The following MAML2 variants were observed in gnomAD, a reference collection of about 807,000 sequenced individuals.
MAML2 encodes mastermind like transcriptional coactivator 2.
MAML2 carries 22 observed loss-of-function variants against 96.1 expected under a neutral mutation model. The ratio of observed to expected loss-of-function variants is 0.23; its 90% CI spans 0.16 to 0.33. The LOEUF is 0.33. MAML2 is among the 10% of genes least tolerant of loss of function. The pLI is 1.00. For missense variants in MAML2, 1,367 were observed against 1,392.4 expected (o/e 0.98, Z 0.29); for synonymous variants, 561 against 521.3 (o/e 1.08, Z -1.04).
intron 1 of MAML2, among the ~76,000 whole-genome samples, chr11:96,209,475 T>C (rs931380781): frequency 2.6e-5 from 4 of 152,036 alleles, no homozygotes; most frequent in African/African-American, 9.7e-5. Context: ...CTGTCTCTAC[T>C]GAGGCAGAAG....
At chr11:96,200,565 T>TA (rs1303432127) in intron 1 of MAML2, among the ~76,000 whole-genome samples, 1 of 152,236 alleles carries the variant, frequency 6.6e-6, no homozygotes, top group Non-Finnish European at 1.5e-5. Context: ...GAGAAAGATG[T>TA]ACTAAGTTAG....
intron 2 of MAML2, among the ~76,000 whole-genome samples, chr11:96,027,668 G>A (rs145799223): frequency 1.3e-5 from 2 of 152,264 alleles, no homozygotes; most frequent in East Asian, 1.9e-4. Flanking sequence ...GGCTGGGAGC[G>A]AGAGGCAGAG....
chr11:96,148,659 T>TACACAC (rs58470055), intron 1 of MAML2, among the ~76,000 whole-genome samples: 12,763 of 131,702 alleles, frequency 0.097, 746 homozygotes, highest in Non-Finnish European at 0.11. Context: ...TTCTGAAAAA[T>TACACAC]ACACACACAC....
At chr11:96,007,166 T>A (rs995246508) in intron 2 of MAML2, among the ~76,000 whole-genome samples, 3 of 136,644 alleles carry the variant, frequency 2.2e-5, no homozygotes, top group African/African-American at 8.3e-5. Flanking sequence ...CCATGTCCAG[T>A]TAATTTTTTT....
intron 1 of MAML2, among the ~76,000 whole-genome samples, chr11:96,227,708 A>G (rs1268415661): frequency 6.6e-6 from 1 of 152,244 alleles, no homozygotes; most frequent in African/African-American, 2.4e-5. Context: ...TTAAATGAGA[A>G]AAGGCATACA....
chr11:96,154,176 A>G (rs990313327), intron 1 of MAML2, among the ~76,000 whole-genome samples: 2 of 152,114 alleles, frequency 1.3e-5, no homozygotes, highest in Non-Finnish European at 2.9e-5. Flanking sequence ...CTTGTTAAAA[A>G]TAGATTCCTG....
chr11:96,115,754 T>G (rs2135838003), intron 1 of MAML2, among the ~76,000 whole-genome samples: 1 of 151,074 alleles, frequency 6.6e-6, no homozygotes, highest in Admixed American at 6.6e-5. Flanking sequence ...GAAGGGAGAG[T>G]TCTGTTTTAT....
intron 1 of MAML2, among the ~76,000 whole-genome samples, chr11:96,248,543 C>T (rs1432508255): frequency 6.6e-6 from 1 of 152,138 alleles, no homozygotes; most frequent in Non-Finnish European, 1.5e-5. Context: ...TACCCTCTCC[C>T]TATGCATTAG....
In MAML2 at chr11:96,092,715, A is replaced by G; in HGVS notation, c.1316T>C (p.Ile439Thr). The G allele has an allele frequency of 1.2e-6, 2 of 1,613,914 alleles. No individual in the cohort carries two copies. Among genetic ancestry groups the G allele is most frequent in the Middle Eastern group, 3.3e-4 (2 of 6,062 alleles). ...EVSHAQQLKQ[I>T]AANRQQHARM... ...GGCATGCTGCTGACGATTAGCAGCT[A>G]TCTGTTTGAGCTGCTGGGCATGGGA... Residue 439 changes from isoleucine (I) to threonine (T), a missense_variant, in exon 2 of 5, where the codon ATA (isoleucine) becomes ACA (threonine). By Grantham distance (89) the Ile-to-Thr change is moderately conservative. Transcript: ENST00000524717. This position sits in a 1 kb window ranked among gnomAD's most constrained non-coding sequence, Gnocchi z 4.1.
At chr11:96,114,752 A>T (rs1263638358) in intron 1 of MAML2, among the ~76,000 whole-genome samples, 1 of 152,218 alleles carries the variant, frequency 6.6e-6, no homozygotes, top group Admixed American at 6.5e-5. Context: ...AGGGCCCCAC[A>T]TAGGTGTCTT....
chr11:96,224,008 G>T lies in MAML2; in HGVS notation c.513+117375C>A, dbSNP rs745722038. ...TATTTTATGCATAAGGGAAAAGAGA[G>T]ATACATTATTTTATATTATCTTTGG... On this transcript the variant is annotated intron_variant, in intron 1 of 4. Transcript: ENST00000524717. 3.3e-5 allele frequency among the ~76,000 whole-genome samples: 5 copies of T among 152,282 alleles called. No individual in the cohort carries two copies. The South Asian group carries it at 8.3e-4, about 25-fold the overall frequency.
chr11:96,094,652 A>G (rs1223948764), intron 1 of MAML2, among the ~76,000 whole-genome samples: 1 of 152,212 alleles, frequency 6.6e-6, no homozygotes, highest in Non-Finnish European at 1.5e-5. Flanking sequence ...ACACTAATAC[A>G]TTAAAAAAGA....
intron 2 of MAML2, among the ~76,000 whole-genome samples, chr11:96,038,433 C>A (rs1184994919): frequency 6.6e-6 from 1 of 152,128 alleles, no homozygotes; most frequent in African/African-American, 2.4e-5. Context: ...AGGAAAAACG[C>A]AAAATAGATA....
rs187057546 is a variant in MAML2, at chr11:96,089,352, G to A, written c.2139+2540C>T. On this transcript the variant is annotated intron_variant, in intron 2 of 4. Transcript: ENST00000524717. Reference sequence around the variant, plus strand: ...TTCCCAAAATTAACATCTTGAGAAGGAGCTCACTTTCTTTAACTGCCTTCA... The same window carrying A: ...TTCCCAAAATTAACATCTTGAGAAGAAGCTCACTTTCTTTAACTGCCTTCA... 4.6e-5 allele frequency among the ~76,000 whole-genome samples: 7 copies of A among 152,234 alleles called. No homozygotes were observed. The East Asian group carries it at 1.3e-3, about 29-fold the overall frequency.
rs560591763 is a variant in MAML2, at chr11:96,231,715, A to G, written c.513+109668T>C. On this transcript the variant is annotated intron_variant, in intron 1 of 4. Transcript: ENST00000524717. Reference sequence around the variant, plus strand: ...GAGAGAGCTGCAGAGTAATCCTCCAAGTAAGCACTTTGCCAGGACAGTAAG... The same window carrying G: ...GAGAGAGCTGCAGAGTAATCCTCCAGGTAAGCACTTTGCCAGGACAGTAAG... Among the ~76,000 whole-genome samples, 150 of 152,346 alleles carry G rather than the reference A, an allele frequency of 9.8e-4. 1 individual carries two copies. The highest frequency in any genetic ancestry group is 3.3e-3 in the African/African-American group (136 of 41,582).
rs578146914 is a variant in MAML2, at chr11:96,140,391, T to C, written c.514-46874A>G. Among the ~76,000 whole-genome samples, 139 of 152,348 alleles carry C rather than the reference T, an allele frequency of 9.1e-4. 2 individuals are homozygous for C. Among genetic ancestry groups the C allele is most frequent in the African/African-American group, 3.1e-3 (130 of 41,584 alleles). ...GAAAAGACAGCATTAAAACCACTGT[T>C]ATTGCCTCTGGTGAGGTATGTAGTT... On this transcript the variant is annotated intron_variant, in intron 1 of 4. Coordinates refer to ENST00000524717, the MANE Select transcript of MAML2 (RefSeq NM_032427.4).
intron 2 of MAML2, among the ~76,000 whole-genome samples, chr11:96,042,271 C>A (rs988577864): frequency 1.3e-5 from 2 of 152,160 alleles, no homozygotes; most frequent in African/African-American, 4.8e-5. Flanking sequence ...AGCCACCATG[C>A]CCATCCATAC....
At chr11:96,274,864 T>A (rs913336810) in intron 1 of MAML2, among the ~76,000 whole-genome samples, 1 of 152,200 alleles carries the variant, frequency 6.6e-6, no homozygotes. Flanking sequence ...ACCCTAGAGA[T>A]CACTACTGTA....
rs553200387 is a variant in MAML2, at chr11:96,179,774, C to T, written c.514-86257G>A. 6.6e-5 allele frequency among the ~76,000 whole-genome samples: 10 copies of T among 152,360 alleles called. No homozygotes were observed. The South Asian group carries it at 2.1e-3, about 32-fold the overall frequency. ...TCCAACTCTCTTTCACTCTTTCATG[C>T]CACTCTCAGGACATCTGTGTTTCCC... On this transcript the variant is annotated intron_variant, in intron 1 of 4. Transcript: ENST00000524717.
Sources: allele counts gnomAD v4.1 joint callset (sites outside exome capture counted in the v4.1 genomes callset), GRCh38; gene constraint gnomAD v4.1.1; non-coding constraint Gnocchi (gnomAD v3.1); transcripts MANE v1.5; gene names NCBI Gene and HGNC (gene_info 2026-07-23, HGNC 2026-07-21).